The following ZBED1 variants were observed in gnomAD, a reference collection of about 807,000 sequenced individuals.
The protein encoded by ZBED1 is zinc finger BED-type containing 1, also known as E3 SUMO-protein ligase ZBED1.
A neutral mutation model predicts 49.7 loss-of-function variants in ZBED1; 19 were observed. The ratio of observed to expected loss-of-function variants is 0.38; its 90% CI spans 0.27 to 0.56. The LOEUF is 0.56. Ranked by LOEUF, ZBED1 falls within the 20% of genes least tolerant of loss-of-function variation. The pLI is 0.70. For synonymous variants in ZBED1, 439 were observed against 440.3 expected (o/e 1.00, Z 0.04); for missense variants, 806 against 972.6 (o/e 0.83, Z 2.28).
At chrX:2,497,832 A>G (rs2045320010) in intron 1 of ZBED1, among the ~76,000 whole-genome samples, 1 of 152,282 alleles carries the variant, frequency 6.6e-6, no homozygotes, top group Admixed American at 6.5e-5. Flanking sequence ...TTTACTCAAT[A>G]TGATCATTTT....
In ZBED1 at chrX:2,490,251, C is replaced by A. The variant is rs755447695; in HGVS notation, c.469G>T (p.Asp157Tyr). Residue 157 changes from aspartate (D) to tyrosine (Y), a missense_variant, in exon 2 of 2, where the codon GAC (aspartate) becomes TAC (tyrosine). Transcript: ENST00000652001. ...PTFKVLLKTA[D>Y]PRYELPSRKY... ...CGGCTGGGCAGCTCATACCGGGGGT[C>A]GGCCGTCTTCAGCAGCACCTTGAAG... The A allele has an allele frequency of 6.2e-7, 1 of 1,613,780 alleles. No homozygotes were observed. Among genetic ancestry groups the A allele is most frequent in the Non-Finnish European group, 8.5e-7 (1 of 1,179,880 alleles).
chrX:2,493,347 T>C (rs2045206016), intron 1 of ZBED1, among the ~76,000 whole-genome samples: 1 of 152,126 alleles, frequency 6.6e-6, no homozygotes, highest in Non-Finnish European at 1.5e-5. Context: ...ATTATTTGGC[T>C]GAAACAGGTT....
In ZBED1 at chrX:2,499,134, A is replaced by G. The variant is rs769464297; in HGVS notation, c.-54+1683T>C. Among the ~76,000 whole-genome samples, 18 of 152,222 alleles carry G rather than the reference A, an allele frequency of 1.2e-4. No homozygotes were observed. In the South Asian group the frequency reaches 3.7e-3, roughly 32 times the overall value. On this transcript the variant is annotated intron_variant, in intron 1 of 1. Coordinates refer to ENST00000652001, the MANE Select transcript of ZBED1 (RefSeq NM_001171136.2). ...GCGCTGGGACCCCTGGGATTCCTTCAGTGGGTGCAGAGTGGAAGTCAAAAG... is the reference window on the plus strand; with the variant it reads ...GCGCTGGGACCCCTGGGATTCCTTCGGTGGGTGCAGAGTGGAAGTCAAAAG...
Position 2,489,592 on chromosome X carries a change from C to T in ZBED1, c.1128G>A (p.Val376=). 1 of 1,612,642 alleles carries T rather than the reference C, an allele frequency of 6.2e-7. No individual in the cohort carries two copies. Among genetic ancestry groups the T allele is most frequent in the Non-Finnish European group, 8.5e-7 (1 of 1,179,838 alleles). ...EQQFVIAGVL[V]EDSNNHHLML... is the part of the protein sequence containing the mutation. ...TGAGGTGGTGGTTGTTGCTGTCCTC[C>T]ACCAAGACCCCGGCGATGACGAACT... Residue 376 remains valine, a synonymous_variant, in exon 2 of 2, where the codon GTG becomes GTA. Transcript: ENST00000652001.
At chrX:2,494,732 G>C (rs1409695722) in intron 1 of ZBED1, among the ~76,000 whole-genome samples, 2 of 151,426 alleles carry the variant, frequency 1.3e-5, no homozygotes, top group Non-Finnish European at 2.9e-5. Context: ...GCTGAAAAAA[G>C]GTTCTGGTAC....
Position 2,500,910 on chromosome X carries a change from C to T in ZBED1, c.-147G>A. ...TAGACCCGCAGGGCCGCCCGCGCCG[C>T]AGACAATGGCGACATGGCTGCCCCG... is the stretch of plus-strand genomic sequence containing the variant. On this transcript the variant is annotated 5_prime_UTR_variant, in exon 1 of 2. Coordinates refer to ENST00000652001, the MANE Select transcript of ZBED1 (RefSeq NM_001171136.2). 1 of 1,113,812 alleles carries T rather than the reference C, an allele frequency of 9.0e-7. No homozygotes were observed. Among genetic ancestry groups the T allele is most frequent in the Non-Finnish European group, 1.1e-6 (1 of 910,838 alleles). 69.0% of individuals were successfully genotyped at this position (1,113,812 alleles called of 1,614,324 possible). A position where few individuals can be genotyped will look rare whatever the true frequency, so the allele number is the denominator to read the frequency against.
At chrX:2,498,736 G>C (rs141797347) in intron 1 of ZBED1, among the ~76,000 whole-genome samples, 2,471 of 152,192 alleles carry the variant, frequency 0.016, 61 homozygotes, top group African/African-American at 0.048. Flanking sequence ...TCTTCTGCCA[G>C]GGCCCACACA....
At position 2,496,356 on chromosome X, in the gene ZBED1, AC is replaced by A. The variant is rs201199800; in HGVS notation, c.-54+4460del. ...TGGGACTACAGGCGCACACTGCCACACCCAGCTAATTTTTTGTATTTTAGTA... is the reference window on the plus strand; with the variant it reads ...TGGGACTACAGGCGCACACTGCCACACCAGCTAATTTTTTGTATTTTAGTA... On this transcript the variant is annotated intron_variant, in intron 1 of 1. Transcript: ENST00000652001. Among the ~76,000 whole-genome samples, 1,405 of 152,048 alleles carry A rather than the reference AC, an allele frequency of 9.2e-3. 40 individuals are homozygous for A. Among genetic ancestry groups the A allele is most frequent in the East Asian group, 0.086 (444 of 5,156 alleles).
rs748804214 is a variant in ZBED1, at chrX:2,490,291, G to A, written c.429C>T (p.Ile143=). Residue 143 remains isoleucine (I), a synonymous_variant, in exon 2 of 2, where the codon ATC becomes ATT. Transcript: ENST00000652001. ...GCACCTTGAAGGTGGGCTCGTCCACGATGGAGGCTGGGTACAGCCCCTCGC... is the reference window on the plus strand; with the variant it reads ...GCACCTTGAAGGTGGGCTCGTCCACAATGGAGGCTGGGTACAGCCCCTCGC... The part of the protein sequence containing the change: ...LICEGLYPAS[I]VDEPTFKVLL... 5.1e-5 allele frequency: 82 copies of A among 1,613,490 alleles called. No individual in the cohort carries two copies. The highest frequency in any genetic ancestry group is 6.4e-5 in the Non-Finnish European group (75 of 1,179,878).
intron 1 of ZBED1, among the ~76,000 whole-genome samples, chrX:2,496,863 T>A (rs1361669108): frequency 6.7e-6 from 1 of 148,882 alleles, no homozygotes; most frequent in Non-Finnish European, 1.5e-5. Flanking sequence ...TATAGAAAAG[T>A]ATAAATTATT....
At position 2,489,573 on chromosome X, in the gene ZBED1, G is replaced by A. The variant is rs1328743695; in HGVS notation, c.1147C>T (p.His383Tyr). ...GVLVEDSNNHHLMLEASEWAT... is the reference protein window; with the variant it reads ...GVLVEDSNNHYLMLEASEWAT... Reference sequence around the variant, plus strand: ...CACTCGCTGGCCTCCAGCATGAGGTGGTGGTTGTTGCTGTCCTCCACCAAG... The same window carrying A: ...CACTCGCTGGCCTCCAGCATGAGGTAGTGGTTGTTGCTGTCCTCCACCAAG... The change falls in exon 2 of 2, where the codon CAC (histidine) becomes TAC (tyrosine). Residue 383 changes from histidine (H) to tyrosine (Y), a missense_variant. By Grantham distance (83) the His-to-Tyr change is moderately conservative (BLOSUM62 2). Transcript: ENST00000652001. The A allele has an allele frequency of 6.2e-7, 1 of 1,612,628 alleles. No individual in the cohort carries two copies. The highest frequency in any genetic ancestry group is 8.5e-7 in the Non-Finnish European group (1 of 1,179,830).
intron 1 of ZBED1, among the ~76,000 whole-genome samples, chrX:2,499,582 G>A (rs1300155157): frequency 1.3e-5 from 2 of 151,992 alleles, no homozygotes; most frequent in African/African-American, 4.8e-5. Context: ...ACCAGCCTGG[G>A]CAACATGGTG....
rs200389268 is a variant in ZBED1 at position 2,488,993 on chromosome X, T to C, written c.1727A>G (p.Lys576Arg). The C allele has an allele frequency of 6.2e-7, 1 of 1,607,142 alleles. No individual in the cohort carries two copies. Among genetic ancestry groups the C allele is most frequent in the Non-Finnish European group, 8.5e-7 (1 of 1,175,768 alleles). The change falls in exon 2 of 2, where the codon AAG becomes AGG. Residue 576 changes from lysine to arginine, a missense_variant. This residue lies in a region of ZBED1 where 749 missense variants were observed against 861.3 expected (regional missense o/e 0.87). Coordinates refer to ENST00000652001, the MANE Select transcript of ZBED1 (RefSeq NM_001171136.2). Reference sequence around the variant, plus strand: ...GTTGAGGCCAAGCACCTTCTGGGACTTGAAGTTGCTCAGCTCCTCCACCAC... The same window carrying C: ...GTTGAGGCCAAGCACCTTCTGGGACCTGAAGTTGCTCAGCTCCTCCACCAC... ...AQVVEELSNF[K>R]SQKVLGLNED...
In ZBED1 at chrX:2,487,919, G is replaced by A. The variant is rs910245883; in HGVS notation, c.*716C>T. ...ATGTAAACATGAATTCAGTGATCTG[G>A]ACCTCGCAGAAGTCACACATGATGA... On this transcript the variant is annotated 3_prime_UTR_variant, in exon 2 of 2. Transcript: ENST00000652001. 6.6e-6 allele frequency: 1 copy of A among 151,864 alleles called. No homozygotes were observed. 9.4% of individuals were successfully genotyped at this position (151,864 alleles called of 1,614,324 possible). A position where few individuals can be genotyped will look rare whatever the true frequency, so the allele number is the denominator to read the frequency against.
At position 2,488,709 on chromosome X, in the gene ZBED1, G is replaced by C; in HGVS notation, c.2011C>G (p.Gln671Glu). ...TCCCCCAAGGAGAACACCTGCTCCT[G>C]GTCCAGGCCCCACTCCCCCTCGTCC... ...DQDEGEWGLD[Q>E]EQVFSLGDGV... Residue 671 changes from glutamine to glutamate, a missense_variant, in exon 2 of 2, where the codon CAG becomes GAG. By Grantham distance (29) the Gln-to-Glu change is conservative. This residue lies in a region of ZBED1 where 749 missense variants were observed against 861.3 expected (regional missense o/e 0.87). Transcript: ENST00000652001. 2 of 1,613,856 alleles carry C rather than the reference G, an allele frequency of 1.2e-6. No individual in the cohort carries two copies. Among genetic ancestry groups the C allele is most frequent in the Non-Finnish European group, 1.7e-6 (2 of 1,179,856 alleles).
intron 1 of ZBED1, 58 bp downstream of exon 1, chrX:2,500,759 A>G: frequency 4.0e-6 from 2 of 503,586 alleles, no homozygotes; most frequent in Non-Finnish European, 5.0e-6. Flanking sequence ...CCCGCCCCCG[A>G]GCCAGCCCGC....
chrX:2,486,554 A>G lies in ZBED1; in HGVS notation c.*2081T>C, dbSNP rs1462120215. 1 of 152,228 alleles carries G rather than the reference A, an allele frequency of 6.6e-6. No individual in the cohort carries two copies. The highest frequency in any genetic ancestry group is 1.5e-5 in the Non-Finnish European group (1 of 68,038). 9.4% of individuals were successfully genotyped at this position (152,228 alleles called of 1,614,324 possible). On this transcript the variant is annotated 3_prime_UTR_variant, in exon 2 of 2. Transcript: ENST00000652001. ...TGAAGACAGAGCCGGGACAGTTCAC[A>G]TTTCCACGTGAGTGAGGAAAAGCGA...
intron 1 of ZBED1, among the ~76,000 whole-genome samples, chrX:2,492,136 A>G (rs887529569): frequency 6.6e-6 from 1 of 152,232 alleles, no homozygotes; most frequent in African/African-American, 2.4e-5. Context: ...CTCCCCTACC[A>G]AAGAAAATCT....
rs752527455 is a variant in ZBED1, at chrX:2,488,587, T to C, written c.*48A>G. The C allele has an allele frequency of 2.6e-6, 4 of 1,535,492 alleles. No individual in the cohort carries two copies. In the African/African-American group the frequency reaches 4.2e-5, roughly 16 times the overall value. On this transcript the variant is annotated 3_prime_UTR_variant, in exon 2 of 2. Transcript: ENST00000652001. ...CCGGGTAAGTATTTACAGCAAAGCATCCAATGGGCTGCTGCGGGGATGACT... is the reference window on the plus strand; with the variant it reads ...CCGGGTAAGTATTTACAGCAAAGCACCCAATGGGCTGCTGCGGGGATGACT...
Sources: allele counts gnomAD v4.1 joint callset (sites outside exome capture counted in the v4.1 genomes callset), GRCh38; gene constraint gnomAD v4.1.1; regional missense constraint gnomAD v4.1.1; transcripts MANE v1.5; gene names NCBI Gene and HGNC (gene_info 2026-07-23, HGNC 2026-07-21).